Variants in GET1 observed in about 807,000 individuals in gnomAD.
GET1 encodes guided entry of tail-anchored proteins factor 1.
A neutral mutation model predicts 22.6 loss-of-function variants in GET1; 20 were observed. That is an observed-to-expected ratio of 0.89 (90% CI 0.62 to 1.29). GET1 has a LOEUF of 1.29. Among genes scored for constraint, GET1 ranks in the 50% most tolerant of loss-of-function variants. The probability of loss-of-function intolerance (pLI) is 0.00; values close to 1 mark genes in which losing one functional copy is unlikely to be tolerated. For synonymous variants in GET1, 92 were observed against 83.8 expected (o/e 1.10, Z -0.53); for missense variants, 209 against 219.9 (o/e 0.95, Z 0.31).
chr21:39,391,554 A>G (rs1438330822), intron 2 of GET1: 6 of 519,490 alleles, frequency 1.2e-5, no homozygotes, highest in African/African-American at 1.9e-5. Flanking sequence ...AAAGCTATTC[A>G]AATCTCAATC....
chr21:39,425,690 C>G (rs114875266), intron 1 of GET1, among the ~76,000 whole-genome samples: 1 of 152,080 alleles, frequency 6.6e-6, no homozygotes, highest in Admixed American at 6.6e-5. Flanking sequence ...CAGGGGTGGG[C>G]GAGGACTGAC....
chr21:39,423,700 C>T (rs1225448828), intron 1 of GET1, among the ~76,000 whole-genome samples: 1 of 152,126 alleles, frequency 6.6e-6, no homozygotes, highest in Non-Finnish European at 1.5e-5. Flanking sequence ...TCATTTAATA[C>T]AATTCTTTAA....
intron 1 of GET1, among the ~76,000 whole-genome samples, chr21:39,385,714 C>T (rs1243696835): frequency 1.3e-5 from 2 of 151,924 alleles, no homozygotes; most frequent in Non-Finnish European, 2.9e-5. Context: ...AGGACTGGCC[C>T]GGGCTCAAGG....
At chr21:39,406,292 G>C (rs2039060349) in exon 5 of GET1, 5 of 1,614,240 alleles carry the variant, frequency 3.1e-6, no homozygotes, top group Non-Finnish European at 4.2e-6. Flanking sequence ...GGAAGCCCAT[G>C]ATGCAGGTTT....
intron 1 of GET1, chr21:39,420,855 A>T (rs760947394): frequency 2.5e-6 from 4 of 1,601,998 alleles, no homozygotes; most frequent in Non-Finnish European, 3.4e-6. Flanking sequence ...TGAAAACAGT[A>T]TATATTATAA....
chr21:39,421,826 A>T (rs1325206488), intron 1 of GET1: 1 of 145,352 alleles, frequency 6.9e-6, no homozygotes, highest in African/African-American at 2.7e-5. Context: ...TCCTCCACTA[A>T]ATGCCTACAA....
intron 1 of GET1, among the ~76,000 whole-genome samples, chr21:39,419,901 A>G (rs146267188): frequency 7.6e-4 from 116 of 152,308 alleles, no homozygotes; most frequent in African/African-American, 2.5e-3. Flanking sequence ...AAAAATTCTT[A>G]TTTTTAAAGC....
At chr21:39,387,736 C>G in intron 1 of GET1, 7 of 980,248 alleles carry the variant, frequency 7.1e-6, no homozygotes, top group Non-Finnish European at 8.5e-6. Context: ...TGGTAGGCGG[C>G]ATCACTGGGC....
At chr21:39,417,804 C>T (rs8132466) in intron 1 of GET1, among the ~76,000 whole-genome samples, 52,718 of 151,760 alleles carry the variant, frequency 0.35, 12,359 homozygotes, top group African/African-American at 0.67. Context: ...CTCGCTCTGT[C>T]GCCCAGGCTG....
intron 1 of GET1, chr21:39,380,935 G>GGGCA: frequency 1.6e-5 from 3 of 187,976 alleles, no homozygotes; most frequent in Non-Finnish European, 2.9e-5. Context: ...GGTAGGGTGG[G>GGGCA]AGACAGGTGT....
In GET1 at chr21:39,397,722, T is replaced by C. The variant is rs1456282831; in HGVS notation, c.*783T>C. On this transcript the variant is annotated 3_prime_UTR_variant, in exon 5 of 5. Transcript: ENST00000649170. ...CCAATAACCTGTGTGGCCTACAAAG[T>C]ATAATTCTATTAAATGTTCCTTAAA... The C allele has an allele frequency of 6.6e-6, 1 of 152,232 alleles. No homozygotes were observed. Among genetic ancestry groups the C allele is most frequent in the Non-Finnish European group, 1.5e-5 (1 of 68,040 alleles). 9.4% of individuals were successfully genotyped at this position (152,232 alleles called of 1,614,324 possible). A position where few individuals can be genotyped will look rare whatever the true frequency, so the allele number is the denominator to read the frequency against.
At chr21:39,404,440 G>A (rs1601658114) in intron 4 of GET1, among the ~76,000 whole-genome samples, 1 of 152,148 alleles carries the variant, frequency 6.6e-6, no homozygotes, top group African/African-American at 2.4e-5. Context: ...CTGAATAAGA[G>A]AAACTCAAAA....
At chr21:39,417,293 G>A (rs985430615) in intron 1 of GET1, among the ~76,000 whole-genome samples, 4 of 152,150 alleles carry the variant, frequency 2.6e-5, no homozygotes, top group Non-Finnish European at 5.9e-5. Context: ...GCCCACCTTG[G>A]CCTCCCAAAG....
At chr21:39,387,760 C>T (rs573044483) in intron 1 of GET1, 14 of 985,476 alleles carry the variant, frequency 1.4e-5, no homozygotes, top group Admixed American at 6.2e-5. Context: ...TCAGAAACCA[C>T]GCGCATGCGC....
intron 1 of GET1, chr21:39,386,154 C>G (rs1569032056): frequency 6.6e-6 from 1 of 152,296 alleles, no homozygotes; most frequent in Non-Finnish European, 1.5e-5. Context: ...TCACTTTCTG[C>G]TGTAAAGAGT....
chr21:39,403,567 C>G (rs2038898250), intron 4 of GET1, among the ~76,000 whole-genome samples: 1 of 151,816 alleles, frequency 6.6e-6, no homozygotes, highest in Admixed American at 6.6e-5. Flanking sequence ...CATGATCCGC[C>G]CGCCTCGGCC....
Position 39,423,001 on chromosome 21 carries a change from A to AT in GET1, c.*24-5226dup, listed in dbSNP as rs753313177. The AT allele has an allele frequency of 1.9e-6, 3 of 1,613,492 alleles. No homozygotes were observed. The South Asian group carries it at 3.3e-5, about 18-fold the overall frequency. ...CTGTATTTTTTTGTCATTTGCGTCC[A>AT]TTTTTGTTGTGATAATAGATAATTT... On this transcript the variant is annotated intron_variant, in intron 1 of 1. Transcript: ENST00000478273.
chr21:39,417,451 TTC>T (rs1330664560), intron 1 of GET1, among the ~76,000 whole-genome samples: 7 of 152,234 alleles, frequency 4.6e-5, no homozygotes, highest in African/African-American at 9.6e-5. Flanking sequence ...TTCTACTCTA[TTC>T]TCTCTTTTTC....
At chr21:39,393,878 GA>G (rs1282387370) in intron 4 of GET1, among the ~76,000 whole-genome samples, 1 of 151,944 alleles carries the variant, frequency 6.6e-6, no homozygotes, top group Admixed American at 6.6e-5. Context: ...TCAAACTCCT[GA>G]CCTTAAGTGA....
Sources: allele counts gnomAD v4.1 joint callset (sites outside exome capture counted in the v4.1 genomes callset), GRCh38; gene constraint gnomAD v4.1.1; transcripts MANE v1.5; gene names NCBI Gene and HGNC (gene_info 2026-07-23, HGNC 2026-07-21).